Variants in CROT observed in about 807,000 individuals in gnomAD.
CROT encodes carnitine O-octanoyltransferase.
A neutral mutation model predicts 89.2 loss-of-function variants in CROT; 84 were observed. That is an observed-to-expected ratio of 0.94 (90% CI 0.79 to 1.13). The LOEUF (loss-of-function observed/expected upper bound fraction) is 1.13, where lower values mean the gene tolerates loss of function less well. Among genes scored for constraint, CROT ranks in the 50% most tolerant of loss-of-function variants. CROT has a pLI of 0.00. For missense variants in CROT, 711 were observed against 727.8 expected (o/e 0.98, Z 0.27); for synonymous variants, 212 against 239.5 (o/e 0.89, Z 1.06).
chr7:87,350,501 G>A (rs1248923803), intron 3 of CROT, among the ~76,000 whole-genome samples: 1 of 152,060 alleles, frequency 6.6e-6, no homozygotes, highest in East Asian at 1.9e-4. Context: ...CCACCAAGAA[G>A]CCTGTTTTGT....
At chr7:87,380,142 T>C (rs941200890) in intron 10 of CROT, among the ~76,000 whole-genome samples, 1 of 152,126 alleles carries the variant, frequency 6.6e-6, no homozygotes, top group African/African-American at 2.4e-5. Flanking sequence ...AATAAGCATA[T>C]GTACTGTAAA....
intron 3 of CROT, among the ~76,000 whole-genome samples, chr7:87,352,031 T>C (rs1202976089): frequency 6.6e-6 from 1 of 152,230 alleles, no homozygotes. Flanking sequence ...GTCAATCTTA[T>C]GATTTCTATT....
chr7:87,363,740 C>T (rs919119621), intron 6 of CROT, among the ~76,000 whole-genome samples: 6 of 152,112 alleles, frequency 3.9e-5, no homozygotes, highest in Non-Finnish European at 8.8e-5. Context: ...ATCATTCTAC[C>T]TACTGTTTGA....
At chr7:87,369,874 C>T (rs802055) in intron 7 of CROT, among the ~76,000 whole-genome samples, 130,515 of 148,464 alleles carry the variant, frequency 0.88, 57,451 homozygotes, top group Middle Eastern at 0.94. Context: ...TGGTATACAT[C>T]TTCTATGTAT....
At chr7:87,356,530 G>T (rs1806072582) in intron 3 of CROT, among the ~76,000 whole-genome samples, 1 of 152,146 alleles carries the variant, frequency 6.6e-6, no homozygotes, top group Non-Finnish European at 1.5e-5. Flanking sequence ...AGGCAGAAAA[G>T]AAGAGAAAAA....
In CROT at chr7:87,398,807, A is replaced by C. The variant is rs1254270041; in HGVS notation, c.*163A>C. ...AAATTAGTAGAATCATGCTCTCTAAATTTATTCTGCCATAGAAGGTAGAAA... is the reference window on the plus strand; with the variant it reads ...AAATTAGTAGAATCATGCTCTCTAACTTTATTCTGCCATAGAAGGTAGAAA... On this transcript the variant is annotated 3_prime_UTR_variant, in exon 18 of 18. Coordinates refer to ENST00000331536, the MANE Select transcript of CROT (RefSeq NM_021151.4). 1.5e-6 allele frequency: 1 copy of C among 666,598 alleles called. No individual in the cohort carries two copies. Among genetic ancestry groups the C allele is most frequent in the East Asian group, 2.8e-5 (1 of 35,714 alleles). 41.3% of individuals were successfully genotyped at this position (666,598 alleles called of 1,614,324 possible).
chr7:87,361,615 C>T (rs763680381), intron 5 of CROT, 44 bp downstream of exon 5: 9 of 1,545,454 alleles, frequency 5.8e-6, no homozygotes, highest in Non-Finnish European at 7.9e-6. Flanking sequence ...CCTGAAGTCT[C>T]AGGTAGCAAA....
intron 7 of CROT, among the ~76,000 whole-genome samples, chr7:87,372,058 A>C (rs185023797): frequency 6.6e-6 from 1 of 152,040 alleles, no homozygotes; most frequent in African/African-American, 2.4e-5. Context: ...ACAGGTGAAA[A>C]ATGGTTTTCA....
chr7:87,357,373 T>C (rs768274076), intron 3 of CROT: 4 of 1,172,096 alleles, frequency 3.4e-6, no homozygotes, highest in Non-Finnish European at 4.9e-6. Flanking sequence ...CCCTAGAGAC[T>C]CTAACCCCAT....
rs577419321 is a variant in CROT, at chr7:87,351,717, T to G, written c.115+2534T>G. Among the ~76,000 whole-genome samples, 100 of 152,308 alleles carry G rather than the reference T, an allele frequency of 6.6e-4. 1 individual carries two copies. In the South Asian group the frequency reaches 0.012, roughly 18 times the overall value. ...AGAGGCAGGTTTAATTTTGGATGAATGTACCCAAGTGTGTATTCCCTTACT... is the reference window on the plus strand; with the variant it reads ...AGAGGCAGGTTTAATTTTGGATGAAGGTACCCAAGTGTGTATTCCCTTACT... On this transcript the variant is annotated intron_variant, in intron 3 of 17. Coordinates refer to ENST00000331536, the MANE Select transcript of CROT (RefSeq NM_021151.4).
chr7:87,384,786 C>T (rs1161051369), intron 13 of CROT, among the ~76,000 whole-genome samples: 5 of 152,140 alleles, frequency 3.3e-5, no homozygotes, highest in African/African-American at 1.2e-4. Flanking sequence ...AAATATTTGC[C>T]CAGTTCAGTG....
At position 87,381,978 on chromosome 7, in the gene CROT, T is replaced by C. The variant is rs1261709735; in HGVS notation, c.1047T>C (p.Asn349=). ...ATGTGGATGAGAAAATTTTTCAGAA[T>C]GAAGGAAGATGGAAGGTATGTTTGA... ...SYYVDEKIFQ[N]EGRWKGSEKV... The change falls in exon 11 of 18, where the codon AAT becomes AAC. Residue 349 remains asparagine (N), a synonymous_variant. Transcript: ENST00000331536. The C allele has an allele frequency of 3.7e-6, 6 of 1,605,022 alleles. No individual in the cohort carries two copies. In the South Asian group the frequency reaches 5.6e-5, roughly 15 times the overall value.
At chr7:87,378,362 A>AAAAG (rs1584639244) in intron 10 of CROT, among the ~76,000 whole-genome samples, 1 of 150,388 alleles carries the variant, frequency 6.6e-6, no homozygotes, top group African/African-American at 2.4e-5. Flanking sequence ...AAAAAAAAAA[A>AAAAG]GGGTTCAGTA....
chr7:87,391,448 C>T, intron 13 of CROT, 141 bp from the exon 14 acceptor site: 1 of 750,194 alleles, frequency 1.3e-6, no homozygotes, highest in Non-Finnish European at 2.0e-6. Context: ...GAAATAGGCT[C>T]TTTTTTGTTG....
intron 6 of CROT, among the ~76,000 whole-genome samples, chr7:87,368,483 C>A (rs940811707): frequency 3.3e-5 from 5 of 152,082 alleles, no homozygotes; most frequent in African/African-American, 1.2e-4. Context: ...AAGGAAAACA[C>A]ATATCTCATC....
intron 6 of CROT, 140 bp downstream of exon 6, chr7:87,361,992 T>A: frequency 1.4e-6 from 1 of 701,588 alleles, no homozygotes; most frequent in Non-Finnish European, 2.2e-6. Flanking sequence ...GCCTTATATT[T>A]GAATCATTCT....
rs184470229 is a variant in CROT, at chr7:87,361,732, A to G, written c.427A>G (p.Lys143Glu). 7 of 1,574,722 alleles carry G rather than the reference A, an allele frequency of 4.4e-6. No individual in the cohort carries two copies. The East Asian group carries it at 1.3e-4, about 30-fold the overall frequency. Residue 143 changes from lysine to glutamate, a missense_variant, in exon 6 of 18, where the codon AAA becomes GAA. By Grantham distance (56) the Lys-to-Glu change is moderately conservative (BLOSUM62 1). Coordinates refer to ENST00000331536, the MANE Select transcript of CROT (RefSeq NM_021151.4). ...LNYWQLLRKE[K>E]VPVHKVGNTP... ...TCAAAATCCTTTTTTTAATAGAGAA[A>G]AAGTGCCTGTTCATAAAGTTGGAAA...
chr7:87,352,095 C>T (rs1474133258), intron 3 of CROT, among the ~76,000 whole-genome samples: 1 of 152,184 alleles, frequency 6.6e-6, no homozygotes, highest in African/African-American at 2.4e-5. Context: ...AAAGATATGG[C>T]AAGTCATGTC....
chr7:87,392,291 C>T (rs539615648), intron 14 of CROT, among the ~76,000 whole-genome samples: 3 of 152,046 alleles, frequency 2.0e-5, no homozygotes, highest in South Asian at 2.1e-4. Context: ...TTTGAAATAT[C>T]GGTTGCTTTT....
Sources: gnomAD v4.1 joint callset for allele counts (sites outside exome capture counted in the v4.1 genomes callset) on GRCh38, gnomAD v4.1.1 for gene constraint, MANE v1.5 for transcripts, NCBI Gene and HGNC (gene_info 2026-07-23, HGNC 2026-07-21) for gene names.